The following NR2C2 variants were observed in gnomAD, a reference collection of about 807,000 sequenced individuals.
The protein encoded by NR2C2 is Nuclear hormone receptor TR4.
A neutral mutation model predicts 62.9 loss-of-function variants in NR2C2; 6 were observed. The ratio of observed to expected loss-of-function variants is 0.10; its 90% CI spans 0.05 to 0.19. NR2C2 has a LOEUF of 0.19. Ranked by LOEUF, NR2C2 falls within the 10% of genes least tolerant of loss-of-function variation. The pLI, the probability that NR2C2 is intolerant of heterozygous loss-of-function variation, is 1.00. For missense variants in NR2C2, 479 were observed against 762.7 expected (o/e 0.63, Z 4.38); for synonymous variants, 272 against 273.8 (o/e 0.99, Z 0.07).
At chr3:15,002,452 T>C (rs949204660) in intron 1 of NR2C2, among the ~76,000 whole-genome samples, 2 of 152,150 alleles carry the variant, frequency 1.3e-5, no homozygotes, top group African/African-American at 4.8e-5. Flanking sequence ...TAATCCTTTA[T>C]ATACCACTGG....
chr3:14,993,696 C>G (rs2040735084), intron 1 of NR2C2, among the ~76,000 whole-genome samples: 1 of 152,096 alleles, frequency 6.6e-6, no homozygotes, highest in South Asian at 2.1e-4. Context: ...CCTGTCACTT[C>G]CAGAGTTAGT....
chr3:14,981,386 A>G (rs1030606080), intron 1 of NR2C2, among the ~76,000 whole-genome samples: 17 of 152,012 alleles, frequency 1.1e-4, no homozygotes, highest in Non-Finnish European at 2.5e-4. Context: ...AGTGGATCAC[A>G]AGGTCAGGAG....
chr3:14,983,022 A>G (rs532870586), intron 1 of NR2C2, among the ~76,000 whole-genome samples: 169 of 152,340 alleles, frequency 1.1e-3, no homozygotes, highest in Non-Finnish European at 2.1e-3. Flanking sequence ...TGCATGAGAT[A>G]TTTTGGTACA....
chr3:15,023,879 C>T (rs1043191994), intron 6 of NR2C2, among the ~76,000 whole-genome samples: 1 of 152,098 alleles, frequency 6.6e-6, no homozygotes, highest in African/African-American at 2.4e-5. Context: ...CTGGAAAGCC[C>T]TGGGGGATGC....
In NR2C2 at chr3:15,045,810, C is replaced by T. The variant is rs560652223; in HGVS notation, c.*2802C>T. 3.3e-5 allele frequency: 5 copies of T among 152,636 alleles called. No individual in the cohort carries two copies. The highest frequency in any genetic ancestry group is 6.5e-5 in the Admixed American group (1 of 15,304). 9.5% of individuals were successfully genotyped at this position (152,636 alleles called of 1,614,324 possible). A position where few individuals can be genotyped will look rare whatever the true frequency, so the allele number is the denominator to read the frequency against. On this transcript the variant is annotated 3_prime_UTR_variant, in exon 14 of 14. Transcript: ENST00000425241. The stretch of plus-strand genomic sequence containing the variant: ...AGACCTGTCCTCTGGCTACTGAACT[C>T]CATGGAGCCACGTTCATGCTCCCTC...
At chr3:14,996,974 A>C (rs142880206) in intron 1 of NR2C2, among the ~76,000 whole-genome samples, 1 of 152,298 alleles carries the variant, frequency 6.6e-6, no homozygotes, top group East Asian at 1.9e-4. Flanking sequence ...ACTTCTTGCA[A>C]ATAAAGTAAG....
intron 1 of NR2C2, among the ~76,000 whole-genome samples, chr3:14,968,631 C>CTGGGTCCTT (rs1349069976): frequency 6.8e-6 from 1 of 147,358 alleles, no homozygotes; most frequent in Non-Finnish European, 1.5e-5. Context: ...CATCCCATTA[C>CTGGGTCCTT]TGGGTATATA....
chr3:15,043,982 A>T lies in NR2C2; in HGVS notation c.*974A>T, dbSNP rs1215044882. 6.6e-6 allele frequency: 1 copy of T among 152,198 alleles called. No homozygotes were observed. The highest frequency in any genetic ancestry group is 6.6e-5 in the Admixed American group (1 of 15,266). The allele number at this position is 152,198 out of a possible 1,614,324, so 9.4% of individuals were successfully genotyped here. A position where few individuals can be genotyped will look rare whatever the true frequency, so the allele number is the denominator to read the frequency against. On this transcript the variant is annotated 3_prime_UTR_variant, in exon 14 of 14. Coordinates refer to ENST00000425241, the MANE Select transcript of NR2C2 (RefSeq NM_001291694.2). ...ATTTTGAGCTCTTGACAGTACTTCC[A>T]ATACAATTGGGGGTGCTTGTGTGTT...
chr3:14,954,926 G>C (rs1360613562), intron 1 of NR2C2, among the ~76,000 whole-genome samples: 1 of 152,190 alleles, frequency 6.6e-6, no homozygotes, highest in Admixed American at 6.5e-5. Context: ...CGCCTCCCAG[G>C]TTCAAAGGAT....
intron 1 of NR2C2, among the ~76,000 whole-genome samples, chr3:14,979,813 T>C (rs952427691): frequency 2.6e-5 from 4 of 152,116 alleles, no homozygotes; most frequent in African/African-American, 9.7e-5. Flanking sequence ...CTGGGTATTA[T>C]AGGCCATGGT....
chr3:14,966,151 A>G (rs1474216939), intron 1 of NR2C2, among the ~76,000 whole-genome samples: 1 of 152,198 alleles, frequency 6.6e-6, no homozygotes, highest in African/African-American at 2.4e-5. Flanking sequence ...CCAAATTGAG[A>G]GATAATTAAT....
rs575734275 is a variant in NR2C2, at chr3:15,003,092, C to G, written c.-39-784C>G. The stretch of plus-strand genomic sequence containing the variant: ...ACACGAGTAGCTGGGATTACAGGTG[C>G]GCACCATCGTGCCTGGCTAATTTTT... On this transcript the variant is annotated intron_variant, in intron 1 of 13. Coordinates refer to ENST00000425241, the MANE Select transcript of NR2C2 (RefSeq NM_001291694.2). Among the ~76,000 whole-genome samples the G allele has an allele frequency of 6.6e-5, 10 of 151,014 alleles. 1 individual carries two copies. The highest frequency in any genetic ancestry group is 1.3e-4 in the Non-Finnish European group (9 of 67,846).
chr3:15,020,310 C>A (rs1044117122), intron 4 of NR2C2, among the ~76,000 whole-genome samples: 1 of 152,212 alleles, frequency 6.6e-6, no homozygotes, highest in African/African-American at 2.4e-5. Context: ...TGTGCCAAAG[C>A]CACACATGCA....
intron 1 of NR2C2, among the ~76,000 whole-genome samples, chr3:14,969,236 T>C (rs2039962627): frequency 1.4e-5 from 2 of 147,120 alleles, no homozygotes; most frequent in South Asian, 4.2e-4. Flanking sequence ...ATTGCCTAAA[T>C]AAAGATTCTT....
At chr3:15,000,814 GTTT>G (rs60214973) in intron 1 of NR2C2, among the ~76,000 whole-genome samples, 53 of 127,018 alleles carry the variant, frequency 4.2e-4, no homozygotes, top group African/African-American at 9.5e-4. Flanking sequence ...ATTTATTTAG[GTTT>G]TTTTTTTTTT....
intron 1 of NR2C2, chr3:14,948,542 T>G (rs1559520117): frequency 1.4e-5 from 1 of 69,446 alleles, no homozygotes; most frequent in African/African-American, 5.8e-5. Context: ...GCGGGAGCCC[T>G]GGCGGGGCGG....
chr3:15,015,755 A>G (rs577613934), intron 3 of NR2C2, among the ~76,000 whole-genome samples: 35 of 152,290 alleles, frequency 2.3e-4, no homozygotes, highest in Non-Finnish European at 4.0e-4. Flanking sequence ...TAAAAACCCA[A>G]CATTGAGAAT....
At chr3:15,000,961 C>T (rs1382557270) in intron 1 of NR2C2, among the ~76,000 whole-genome samples, 2 of 151,618 alleles carry the variant, frequency 1.3e-5, no homozygotes, top group Admixed American at 1.3e-4. Context: ...ACTACAGGCA[C>T]CCGTCACCAC....
At chr3:15,042,059 G>A (rs890176349) in intron 13 of NR2C2, among the ~76,000 whole-genome samples, 4 of 152,094 alleles carry the variant, frequency 2.6e-5, no homozygotes, top group Admixed American at 2.0e-4. Flanking sequence ...AAAAGGTAGG[G>A]TGTTTCCGGT....
Sources: allele counts gnomAD v4.1 joint callset (sites outside exome capture counted in the v4.1 genomes callset), GRCh38; gene constraint gnomAD v4.1.1; transcripts MANE v1.5; gene names NCBI Gene and HGNC (gene_info 2026-07-23, HGNC 2026-07-21).